Variants in ST6GALNAC3 observed in about 807,000 individuals in gnomAD.
ST6GALNAC3 encodes the protein alpha-N-acetylgalactosaminide alpha-2,6-sialyltransferase 3.
A neutral mutation model predicts 32.7 loss-of-function variants in ST6GALNAC3; 25 were observed. The observed-to-expected ratio is 0.76, with a 90% CI of 0.56 to 1.07. ST6GALNAC3 has a LOEUF of 1.07. Ranked by LOEUF, ST6GALNAC3 falls within the 50% of genes least tolerant of loss-of-function variation. ST6GALNAC3 has a pLI of 0.00. For synonymous variants in ST6GALNAC3, 129 were observed against 133.1 expected, an observed-to-expected ratio of 0.97 and a Z score of 0.21; for missense variants, 355 against 382.4, an observed-to-expected ratio of 0.93 and a Z score of 0.60.
rs576422842 is a variant in ST6GALNAC3, at chr1:76,337,234, A to G, written c.213+23235A>G. ...CACATCATTCCTGCATTCCCCAAGCACTCTCTGGCTGCTGTATCAGCAATT... is the reference window on the plus strand; with the variant it reads ...CACATCATTCCTGCATTCCCCAAGCGCTCTCTGGCTGCTGTATCAGCAATT... On this transcript the variant is annotated intron_variant, in intron 2 of 4. Transcript: ENST00000328299. 1.7e-4 allele frequency among the ~76,000 whole-genome samples: 26 copies of G among 151,936 alleles called. 1 individual carries two copies. The South Asian group carries it at 5.4e-3, about 32-fold the overall frequency.
chr1:76,579,797 A>G (rs1646866021), intron 3 of ST6GALNAC3, among the ~76,000 whole-genome samples: 1 of 151,858 alleles, frequency 6.6e-6, no homozygotes, highest in African/African-American at 2.4e-5. Flanking sequence ...ATTATATTAG[A>G]TTTTTGTGGG....
chr1:76,395,525 A>G (rs1652884366), intron 2 of ST6GALNAC3, among the ~76,000 whole-genome samples: 1 of 152,194 alleles, frequency 6.6e-6, no homozygotes, highest in African/African-American at 2.4e-5. Context: ...AATAGCAATG[A>G]CATGGATTCA....
At chr1:76,385,255 C>T (rs1273370496) in intron 2 of ST6GALNAC3, among the ~76,000 whole-genome samples, 2 of 152,078 alleles carry the variant, frequency 1.3e-5, no homozygotes, top group Non-Finnish European at 2.9e-5. Context: ...AGACTTCTTT[C>T]CTCCAAAAAA....
rs1450910944 is a variant in ST6GALNAC3 at position 76,509,159 on chromosome 1, G to A, written c.623+96742G>A. On this transcript the variant is annotated intron_variant, in intron 3 of 4. Coordinates refer to ENST00000328299, the MANE Select transcript of ST6GALNAC3 (RefSeq NM_152996.4). The surrounding 1 kb of genome is among the most constrained non-coding windows in gnomAD (Gnocchi z 5.5). Reference sequence around the variant, plus strand: ...AGTGTAAAATGATTTTAATGCTTGTGGTCTAAGAAAGTATCTCTATCACTC... The same window carrying A: ...AGTGTAAAATGATTTTAATGCTTGTAGTCTAAGAAAGTATCTCTATCACTC... Among the ~76,000 whole-genome samples the A allele has an allele frequency of 6.6e-6, 1 of 152,136 alleles. No individual in the cohort carries two copies. Among genetic ancestry groups the A allele is most frequent in the Non-Finnish European group, 1.5e-5 (1 of 68,016 alleles).
intron 2 of ST6GALNAC3, among the ~76,000 whole-genome samples, chr1:76,372,409 A>G (rs1650900859): frequency 6.6e-6 from 1 of 152,098 alleles, no homozygotes; most frequent in African/African-American, 2.4e-5. Context: ...ATTATTCACA[A>G]TCGCCAAAAC....
intron 3 of ST6GALNAC3, among the ~76,000 whole-genome samples, chr1:76,569,174 G>A (rs2100479624): frequency 6.6e-6 from 1 of 152,246 alleles, no homozygotes; most frequent in East Asian, 1.9e-4. Flanking sequence ...ACACTTGTTT[G>A]AAGGGAAAGC....
At chr1:76,534,332 C>T (rs1663459392) in intron 3 of ST6GALNAC3, among the ~76,000 whole-genome samples, 1 of 152,142 alleles carries the variant, frequency 6.6e-6, no homozygotes, top group African/African-American at 2.4e-5. Context: ...CTTGAACCAC[C>T]ATGCCTGGCC....
At chr1:76,249,722 C>G (rs12097226) in intron 1 of ST6GALNAC3, among the ~76,000 whole-genome samples, 3,160 of 152,258 alleles carry the variant, frequency 0.021, 115 homozygotes, top group African/African-American at 0.073. Flanking sequence ...ACAATCCTAC[C>G]AGAAATGTAT....
intron 3 of ST6GALNAC3, among the ~76,000 whole-genome samples, chr1:76,457,705 C>A (rs1657938915): frequency 6.6e-6 from 1 of 152,076 alleles, no homozygotes; most frequent in Non-Finnish European, 1.5e-5. Context: ...AACTGGATCC[C>A]TTCCTTACAC....
chr1:76,295,676 G>C lies in ST6GALNAC3; in HGVS notation c.19-18129G>C, dbSNP rs551864414. Among the ~76,000 whole-genome samples, 4 of 152,152 alleles carry C rather than the reference G, an allele frequency of 2.6e-5. No homozygotes were observed. The South Asian group carries it at 6.2e-4, about 24-fold the overall frequency. On this transcript the variant is annotated intron_variant, in intron 1 of 4. Transcript: ENST00000328299. ...TTAATACAAATTTTAGGTGGCACAG[G>C]ATCCTTCATGAGGAAATGAAGACCC...
chr1:76,304,957 A>C (rs754740375), intron 1 of ST6GALNAC3, among the ~76,000 whole-genome samples: 14 of 152,054 alleles, frequency 9.2e-5, no homozygotes, highest in Non-Finnish European at 1.9e-4. Flanking sequence ...CAACCAATGA[A>C]GCCTATAAGG....
intron 2 of ST6GALNAC3, among the ~76,000 whole-genome samples, chr1:76,337,496 G>A (rs988522742): frequency 2.0e-5 from 3 of 152,100 alleles, no homozygotes; most frequent in South Asian, 2.1e-4. Flanking sequence ...CCATTCGGGG[G>A]TGTCTTCTTC....
intron 3 of ST6GALNAC3, among the ~76,000 whole-genome samples, chr1:76,595,119 C>G (rs1570398137): frequency 6.6e-6 from 1 of 152,110 alleles, no homozygotes; most frequent in South Asian, 2.1e-4. Context: ...AGTGTAAGAG[C>G]AGCTAGGGGA....
intron 2 of ST6GALNAC3, among the ~76,000 whole-genome samples, chr1:76,401,221 C>T (rs1045729069): frequency 1.3e-5 from 2 of 151,910 alleles, no homozygotes; most frequent in Non-Finnish European, 2.9e-5. Context: ...TTTTTTAAAT[C>T]TCATGTTTCA....
intron 1 of ST6GALNAC3, among the ~76,000 whole-genome samples, chr1:76,165,923 A>T (rs531139148): frequency 6.6e-6 from 1 of 152,236 alleles, no homozygotes; most frequent in African/African-American, 2.4e-5. Context: ...CCTTTGTCAG[A>T]TGCATAGTTT....
intron 2 of ST6GALNAC3, among the ~76,000 whole-genome samples, chr1:76,333,777 G>A (rs1184647065): frequency 6.6e-6 from 1 of 152,052 alleles, no homozygotes; most frequent in South Asian, 2.1e-4. Flanking sequence ...TGCAGTGGGA[G>A]GTACAAAGAA....
intron 1 of ST6GALNAC3, among the ~76,000 whole-genome samples, chr1:76,101,804 A>G (rs1323346961): frequency 6.6e-6 from 1 of 152,116 alleles, no homozygotes; most frequent in Non-Finnish European, 1.5e-5. Context: ...CCATCTTTTC[A>G]TTATTGATTT....
At chr1:76,413,762 A>G (rs1339314666) in intron 3 of ST6GALNAC3, among the ~76,000 whole-genome samples, 2 of 152,178 alleles carry the variant, frequency 1.3e-5, no homozygotes, top group Non-Finnish European at 2.9e-5. Flanking sequence ...CCAAAATGAC[A>G]GGCAGTAGAG....
At chr1:76,109,592 G>A (rs1647779675) in intron 1 of ST6GALNAC3, among the ~76,000 whole-genome samples, 1 of 152,200 alleles carries the variant, frequency 6.6e-6, no homozygotes, top group Non-Finnish European at 1.5e-5. Context: ...TCTCAATAAA[G>A]CATGTGAAGA....
Sources: gnomAD v4.1 joint callset for allele counts (sites outside exome capture counted in the v4.1 genomes callset) on GRCh38, gnomAD v4.1.1 for gene constraint, Gnocchi (gnomAD v3.1) non-coding constraint, MANE v1.5 for transcripts, NCBI Gene and HGNC (gene_info 2026-07-23, HGNC 2026-07-21) for gene names.